FGF14: variants seen among roughly 807,000 people sequenced by gnomAD.
FGF14 encodes the protein fibroblast growth factor homologous factor 4.
Under a neutral mutation model 25.5 loss-of-function variants are expected in FGF14, and 5 were observed. That is an observed-to-expected ratio of 0.20 (90% confidence interval 0.10 to 0.41). The LOEUF (loss-of-function observed/expected upper bound fraction) is 0.41. Ranked by LOEUF, FGF14 falls within the 10% of genes least tolerant of loss-of-function variation. FGF14 has a pLI of 1.00. For missense variants in FGF14, 222 were observed against 320.1 expected, an observed-to-expected ratio of 0.69 and a Z score of 2.34; for synonymous variants, 138 against 118.3, an observed-to-expected ratio of 1.17 and a Z score of -1.08.
chr13:101,911,935 A>G (rs936712884), intron 1 of FGF14, among the ~76,000 whole-genome samples: 8 of 152,080 alleles, frequency 5.3e-5, no homozygotes, highest in African/African-American at 1.9e-4. Flanking sequence ...AACAGCCAAA[A>G]CAAACAAGCA....
At chr13:102,336,307 G>A (rs979125419) in intron 1 of FGF14, among the ~76,000 whole-genome samples, 1 of 152,140 alleles carries the variant, frequency 6.6e-6, no homozygotes, top group African/African-American at 2.4e-5. Flanking sequence ...CTGGTATGGA[G>A]AAAGTTTTAG....
intron 1 of FGF14, among the ~76,000 whole-genome samples, chr13:101,939,002 T>G (rs554438903): frequency 6.6e-6 from 1 of 152,236 alleles, no homozygotes; most frequent in East Asian, 1.9e-4. Flanking sequence ...GTGCTAAACA[T>G]TGTACATCAT....
chr13:102,263,100 T>G (rs1426209644), intron 1 of FGF14: 1 of 632,066 alleles, frequency 1.6e-6, no homozygotes, highest in African/African-American at 1.8e-5. Context: ...CTGACTTTAT[T>G]ACCAGTTTTC....
chr13:101,797,806 G>A (rs2040637038), intron 3 of FGF14, among the ~76,000 whole-genome samples: 1 of 142,832 alleles, frequency 7.0e-6, no homozygotes, highest in Admixed American at 7.2e-5. Flanking sequence ...AAACAGAGAT[G>A]GTTAGAGTCA....
chr13:102,150,809 A>G (rs61967764), intron 1 of FGF14, among the ~76,000 whole-genome samples: 11,157 of 152,250 alleles, frequency 0.073, 447 homozygotes, highest in Non-Finnish European at 0.098. Flanking sequence ...TAGGAGGTCT[A>G]CTGGTATGTT....
intron 1 of FGF14, among the ~76,000 whole-genome samples, chr13:102,384,648 AT>A (rs1204885035): frequency 6.6e-6 from 1 of 152,158 alleles, no homozygotes; most frequent in African/African-American, 2.4e-5. Context: ...ACTCTATGAT[AT>A]TACTGTACCC....
chr13:102,003,506 G>A (rs1429226581), intron 1 of FGF14, among the ~76,000 whole-genome samples: 1 of 152,134 alleles, frequency 6.6e-6, no homozygotes, highest in Non-Finnish European at 1.5e-5. Flanking sequence ...CTATTTCTAT[G>A]GGAATACAAT....
intron 3 of FGF14, among the ~76,000 whole-genome samples, chr13:101,838,604 C>G (rs2043043396): frequency 6.6e-6 from 1 of 152,052 alleles, no homozygotes; most frequent in South Asian, 2.1e-4. Context: ...TTTTTACCCT[C>G]CTGTTCTTAT....
At chr13:102,242,477 AG>A (rs1462979294) in intron 1 of FGF14, among the ~76,000 whole-genome samples, 1 of 152,130 alleles carries the variant, frequency 6.6e-6, no homozygotes, top group Non-Finnish European at 1.5e-5. Flanking sequence ...ATCATCTTAT[AG>A]CAGAAAGTGG....
At chr13:102,080,970 C>A (rs1388962374) in intron 1 of FGF14, among the ~76,000 whole-genome samples, 4 of 152,198 alleles carry the variant, frequency 2.6e-5, no homozygotes, top group Non-Finnish European at 5.9e-5. Flanking sequence ...AGGGCAATGA[C>A]CCATTCCTTT....
At chr13:102,269,783 T>C (rs866376246) in intron 1 of FGF14, among the ~76,000 whole-genome samples, 2 of 152,108 alleles carry the variant, frequency 1.3e-5, no homozygotes, top group Non-Finnish European at 2.9e-5. Flanking sequence ...GGCAGGGGGA[T>C]TGCTTGAGCC....
intron 1 of FGF14, among the ~76,000 whole-genome samples, chr13:102,388,061 C>T (rs1032309967): frequency 5.9e-5 from 9 of 152,150 alleles, no homozygotes; most frequent in South Asian, 4.1e-4. Context: ...ACTCCTCATC[C>T]TCCTCTCTTT....
At chr13:101,877,927 GCT>G (rs2045488209) in intron 1 of FGF14, among the ~76,000 whole-genome samples, 2 of 151,972 alleles carry the variant, frequency 1.3e-5, no homozygotes. Flanking sequence ...CGCATCTCTC[GCT>G]CTTTTTCTTT....
intron 1 of FGF14, among the ~76,000 whole-genome samples, chr13:102,304,772 C>A (rs887890125): frequency 1.3e-5 from 2 of 152,154 alleles, no homozygotes; most frequent in Admixed American, 6.5e-5. Flanking sequence ...ACAACCAGCA[C>A]CAACTTGCTA....
At chr13:101,836,915 T>C (rs968084874) in intron 3 of FGF14, among the ~76,000 whole-genome samples, 7 of 152,062 alleles carry the variant, frequency 4.6e-5, no homozygotes, top group Non-Finnish European at 1.0e-4. Flanking sequence ...TTCATGTTTA[T>C]AGAGCTCATA....
At chr13:101,808,788 A>G (rs4771409) in intron 3 of FGF14, among the ~76,000 whole-genome samples, 133,662 of 152,136 alleles carry the variant, frequency 0.88, 58,945 homozygotes, top group Non-Finnish European at 0.92. Flanking sequence ...GAGGTTGGCA[A>G]TGTCTAGATA....
intron 1 of FGF14, among the ~76,000 whole-genome samples, chr13:102,133,084 A>G (rs1157921377): frequency 2.6e-5 from 4 of 152,158 alleles, no homozygotes; most frequent in African/African-American, 9.7e-5. Flanking sequence ...ATTGTTGACC[A>G]TTATTTTCTA....
intron 1 of FGF14, among the ~76,000 whole-genome samples, chr13:101,913,809 C>T (rs1292908554): frequency 4.4e-4 from 67 of 152,098 alleles, no homozygotes; most frequent in Non-Finnish European, 4.4e-5. Context: ...TCTCCCCACC[C>T]CTCTCTCCTC....
At chr13:101,862,191 C>T (rs148211410) in intron 3 of FGF14, among the ~76,000 whole-genome samples, 1 of 152,058 alleles carries the variant, frequency 6.6e-6, no homozygotes, top group Non-Finnish European at 1.5e-5. Context: ...AGGCAGAAAA[C>T]AAGGTCTCCC....
Sources: gnomAD v4.1 joint callset for allele counts (sites outside exome capture counted in the v4.1 genomes callset) on GRCh38, gnomAD v4.1.1 for gene constraint, MANE v1.5 for transcripts, NCBI Gene and HGNC (gene_info 2026-07-23, HGNC 2026-07-21) for gene names.